Variants in CTNNA2 observed in about 807,000 individuals in gnomAD.
CTNNA2 encodes the protein catenin alpha-2.
Under a neutral mutation model 101.0 loss-of-function variants are expected in CTNNA2, and 42 were observed. The observed-to-expected ratio is 0.42, with a 90% confidence interval of 0.32 to 0.54. CTNNA2 has a LOEUF of 0.54. Among genes scored for constraint, CTNNA2 ranks in the 20% least tolerant of loss-of-function variants. CTNNA2 has a pLI of 0.14. For synonymous variants in CTNNA2, 450 were observed against 456.4 expected, an observed-to-expected ratio of 0.99 and a Z score of 0.18; for missense variants, 871 against 1,223.1, an observed-to-expected ratio of 0.71 and a Z score of 4.29.
intron 2 of CTNNA2, among the ~76,000 whole-genome samples, chr2:79,654,937 A>C (rs976829613): frequency 1.2e-4 from 18 of 152,190 alleles, no homozygotes; most frequent in African/African-American, 4.3e-4. Flanking sequence ...AAACACTTGA[A>C]ATTTTTATAG....
intron 7 of CTNNA2, among the ~76,000 whole-genome samples, chr2:80,219,836 C>T (rs929772177): frequency 1.3e-5 from 2 of 152,152 alleles, no homozygotes; most frequent in East Asian, 1.9e-4. Flanking sequence ...ATTTTCTCTC[C>T]ATTTAACATA....
chr2:80,345,561 A>G (rs1294618778), intron 7 of CTNNA2, among the ~76,000 whole-genome samples: 1 of 152,090 alleles, frequency 6.6e-6, no homozygotes, highest in Non-Finnish European at 1.5e-5. Flanking sequence ...CTCCCAGAAG[A>G]ATGTAAGCTT....
chr2:80,284,707 T>C (rs534903162), intron 7 of CTNNA2, among the ~76,000 whole-genome samples: 1 of 152,228 alleles, frequency 6.6e-6, no homozygotes, highest in Non-Finnish European at 1.5e-5. Context: ...CAGGGAAATG[T>C]CATTTTCCTT....
chr2:79,796,327 G>T lies in CTNNA2; in HGVS notation c.298+51745G>T, dbSNP rs149449529. 3.3e-4 allele frequency among the ~76,000 whole-genome samples: 49 copies of T among 149,386 alleles called. 1 individual carries two copies. The East Asian group carries it at 9.1e-3, about 28-fold the overall frequency. On this transcript the variant is annotated intron_variant, in intron 3 of 18. Coordinates refer to ENST00000402739, the MANE Select transcript of CTNNA2 (RefSeq NM_001282597.3). Reference sequence around the variant, plus strand: ...GGCGTGAACCCGGGAGGCGGAGCTTGCAGTGAGCCGAGAGCCGCGATTGCG... The same window carrying T: ...GGCGTGAACCCGGGAGGCGGAGCTTTCAGTGAGCCGAGAGCCGCGATTGCG...
At chr2:80,548,630 A>G (rs958224877) in intron 11 of CTNNA2, among the ~76,000 whole-genome samples, 1 of 152,186 alleles carries the variant, frequency 6.6e-6, no homozygotes, top group Admixed American at 6.5e-5. Context: ...GAAAATGAAC[A>G]GGCGCTGTCA....
intron 3 of CTNNA2, among the ~76,000 whole-genome samples, chr2:79,823,562 C>T: frequency 6.6e-6 from 1 of 152,076 alleles, no homozygotes; most frequent in South Asian, 2.1e-4. Flanking sequence ...ACCAACCCAT[C>T]ACATGGACTA....
At chr2:80,508,606 CT>C (rs1178978557) in intron 9 of CTNNA2, among the ~76,000 whole-genome samples, 1 of 151,144 alleles carries the variant, frequency 6.6e-6, no homozygotes, top group African/African-American at 2.4e-5. Flanking sequence ...TGGATCAACT[CT>C]TATCAGACCA....
chr2:80,270,318 G>A (rs1673362775), intron 7 of CTNNA2, among the ~76,000 whole-genome samples: 1 of 151,728 alleles, frequency 6.6e-6, no homozygotes, highest in Admixed American at 6.6e-5. Flanking sequence ...CCAATATTTT[G>A]TAACTTAAAA....
rs1674287300 is a variant in CTNNA2 at position 80,647,928 on chromosome 2, T to TTTAA, written c.*59_*62dup. 1.3e-6 allele frequency: 2 copies of TTTAA among 1,501,240 alleles called. No individual in the cohort carries two copies. Among genetic ancestry groups the TTTAA allele is most frequent in the African/African-American group, 1.4e-5 (1 of 71,422 alleles). The allele number at this position is 1,501,240 out of a possible 1,614,324, so 93.0% of individuals were successfully genotyped here. A position where few individuals can be genotyped will look rare whatever the true frequency, so the allele number is the denominator to read the frequency against. On this transcript the variant is annotated 3_prime_UTR_variant, in exon 19 of 19. Transcript: ENST00000402739. Reference sequence around the variant, plus strand: ...TTTCTTTTCTTTCTTTCTTTTTCTTTTTAATTCCATTTTTGTATGCATACC... The same window carrying TTTAA: ...TTTCTTTTCTTTCTTTCTTTTTCTTTTTAATTAATTCCATTTTTGTATGCATACC...
At chr2:79,227,739 G>A (rs1251844232) in intron 2 of CTNNA2, among the ~76,000 whole-genome samples, 2 of 152,158 alleles carry the variant, frequency 1.3e-5, no homozygotes, top group African/African-American at 4.8e-5. Context: ...AGTCTTCAGT[G>A]AGTCATAATC....
intron 2 of CTNNA2, among the ~76,000 whole-genome samples, chr2:79,304,449 AT>A (rs926662696): frequency 6.6e-6 from 1 of 151,392 alleles, no homozygotes; most frequent in Non-Finnish European, 1.5e-5. Flanking sequence ...TTCCACTTAC[AT>A]TAAGGGATTG....
chr2:80,585,232 A>G (rs115749285), intron 14 of CTNNA2, among the ~76,000 whole-genome samples: 2,255 of 152,300 alleles, frequency 0.015, 54 homozygotes, highest in African/African-American at 0.051. Flanking sequence ...AAATTGAAGA[A>G]TGGATTCAGT....
chr2:80,416,542 A>C (rs2149402246), intron 8 of CTNNA2, among the ~76,000 whole-genome samples: 1 of 152,256 alleles, frequency 6.6e-6, no homozygotes, highest in Middle Eastern at 3.4e-3. Flanking sequence ...TTCTACCTTT[A>C]AACGCAATAA....
chr2:80,519,666 A>G (rs1485306679), intron 9 of CTNNA2, among the ~76,000 whole-genome samples: 3 of 152,184 alleles, frequency 2.0e-5, no homozygotes, highest in African/African-American at 4.8e-5. Context: ...AAATTTTTAT[A>G]TTTATTCAAA....
intron 9 of CTNNA2, among the ~76,000 whole-genome samples, chr2:80,427,482 C>T (rs1258559897): frequency 6.6e-6 from 1 of 152,180 alleles, no homozygotes; most frequent in African/African-American, 2.4e-5. Context: ...GGGTTCTCAT[C>T]CTCAGCTAGT....
intron 9 of CTNNA2, among the ~76,000 whole-genome samples, chr2:80,439,738 G>A (rs1682387166): frequency 6.6e-6 from 1 of 152,018 alleles, no homozygotes; most frequent in East Asian, 1.9e-4. Context: ...TGTATTGTAT[G>A]GTTTTATATT....
chr2:79,885,820 A>C (rs1181101020), intron 6 of CTNNA2, among the ~76,000 whole-genome samples: 1 of 152,202 alleles, frequency 6.6e-6, no homozygotes, highest in Admixed American at 6.5e-5. Flanking sequence ...AATAGAAGTA[A>C]CCAAGAACAC....
At chr2:79,961,175 G>A (rs1045454371) in intron 7 of CTNNA2, among the ~76,000 whole-genome samples, 1 of 152,174 alleles carries the variant, frequency 6.6e-6, no homozygotes, top group African/African-American at 2.4e-5. Context: ...CTTTGTGTGA[G>A]TTGCAGGCTC....
intron 7 of CTNNA2, among the ~76,000 whole-genome samples, chr2:80,353,306 T>C (rs557629161): frequency 1.3e-5 from 2 of 152,216 alleles, no homozygotes; most frequent in South Asian, 2.1e-4. Flanking sequence ...TAAGACTGGA[T>C]ACAACAGCCC....
Sources: gnomAD v4.1 joint callset for allele counts (sites outside exome capture counted in the v4.1 genomes callset) on GRCh38, gnomAD v4.1.1 for gene constraint, MANE v1.5 for transcripts, NCBI Gene and HGNC (gene_info 2026-07-23, HGNC 2026-07-21) for gene names.